LAMA3: variants seen among roughly 807,000 people sequenced by gnomAD.
The protein encoded by LAMA3 is laminin subunit alpha 3, also known as laminin subunit alpha-3.
In LAMA3, 281 loss-of-function variants were observed where a neutral mutation model predicts 402.0. The ratio of observed to expected loss-of-function variants is 0.70; its 90% CI spans 0.63 to 0.77. The LOEUF is 0.77. LAMA3 is among the 30% of genes least tolerant of loss of function. The pLI is 0.00. For synonymous variants in LAMA3, 1,431 were observed against 1,558.4 expected (o/e 0.92, Z 1.93); for missense variants, 3,840 against 4,215.5 (o/e 0.91, Z 2.47).
rs1359478655 is a variant in LAMA3 at position 23,882,075 on chromosome 18, G to A, written c.5222+30G>A. 2.6e-6 allele frequency: 4 copies of A among 1,518,814 alleles called. No homozygotes were observed. In the African/African-American group the frequency reaches 4.1e-5, roughly 16 times the overall value. The allele number at this position is 1,518,814 out of a possible 1,614,324, so 94.1% of individuals were successfully genotyped here. A position where few individuals can be genotyped will look rare whatever the true frequency, so the allele number is the denominator to read the frequency against. ...CGTAGCAGCTTGACATAACCTACAG[G>A]GACCCAAAGTCGTTTGGTGGCTGCC... On this transcript the variant is annotated intron_variant, in intron 40 of 74. Coordinates refer to ENST00000313654, the MANE Select transcript of LAMA3 (RefSeq NM_198129.4).
At chr18:23,740,360 G>A (rs983111400) in intron 2 of LAMA3, among the ~76,000 whole-genome samples, 1 of 151,866 alleles carries the variant, frequency 6.6e-6, no homozygotes, top group African/African-American at 2.4e-5. Context: ...AAGTTTATAC[G>A]TATAAAATCT....
chr18:23,689,633 C>T lies in LAMA3; in HGVS notation c.-51C>T. On this transcript the variant is annotated 5_prime_UTR_variant, in exon 1 of 75. Coordinates refer to ENST00000313654, the MANE Select transcript of LAMA3 (RefSeq NM_198129.4). ...GAGGCGCAGGCGGAGAGCGGCGGTG[C>T]CCCCGAGCCCCTCTGCGGACGGCTC... 4.0e-6 allele frequency: 5 copies of T among 1,237,606 alleles called. No homozygotes were observed. Among genetic ancestry groups the T allele is most frequent in the Non-Finnish European group, 5.0e-6 (5 of 991,664 alleles). The allele number at this position is 1,237,606 out of a possible 1,614,324, so 76.7% of individuals were successfully genotyped here.
At chr18:23,741,986 G>T (rs1224954720) in intron 2 of LAMA3, among the ~76,000 whole-genome samples, 1 of 152,168 alleles carries the variant, frequency 6.6e-6, no homozygotes, top group South Asian at 2.1e-4. Flanking sequence ...GCTGGGCATG[G>T]TGGTGCACAC....
intron 40 of LAMA3, 151 bp downstream of exon 40, chr18:23,882,196 G>C: frequency 1.4e-6 from 1 of 694,842 alleles, no homozygotes; most frequent in South Asian, 1.5e-5. Context: ...TTTTCAAATT[G>C]ATTGTGGTGG....
intron 1 of LAMA3, among the ~76,000 whole-genome samples, chr18:23,708,162 G>A (rs561740185): frequency 5.3e-5 from 8 of 152,046 alleles, no homozygotes; most frequent in South Asian, 4.2e-4. Flanking sequence ...CTTTCCCAGC[G>A]GTCTGACATA....
chr18:23,694,858 G>C (rs1228212364), intron 1 of LAMA3, among the ~76,000 whole-genome samples: 1 of 152,208 alleles, frequency 6.6e-6, no homozygotes, highest in Non-Finnish European at 1.5e-5. Context: ...AGAGTATTGA[G>C]ATGCCCCATA....
At chr18:23,837,153 C>A in intron 25 of LAMA3, 64 bp downstream of exon 25, 2 of 1,173,806 alleles carry the variant, frequency 1.7e-6, no homozygotes, top group East Asian at 2.5e-5. Context: ...TTTTTTGAAG[C>A]TTATTAAAAT....
chr18:23,936,394 C>G (rs1219519649), intron 67 of LAMA3, among the ~76,000 whole-genome samples: 1 of 140,296 alleles, frequency 7.1e-6, no homozygotes, highest in Non-Finnish European at 1.5e-5. Context: ...CCCCCTCCCC[C>G]ACCCCACTAC....
At chr18:23,790,737 A>G (rs1389470243) in intron 12 of LAMA3, among the ~76,000 whole-genome samples, 1 of 152,166 alleles carries the variant, frequency 6.6e-6, no homozygotes, top group African/African-American at 2.4e-5. Flanking sequence ...CCCCATGAAG[A>G]TATTCCTGTG....
chr18:23,879,974 T>C lies in LAMA3; in HGVS notation c.5113-1962T>C, dbSNP rs1038390625. ...GCTAAGTAGACACAGGACTGAAATATATCTATACAGTCATGTTCTACTTTT... is the reference window on the plus strand; with the variant it reads ...GCTAAGTAGACACAGGACTGAAATACATCTATACAGTCATGTTCTACTTTT... On this transcript the variant is annotated intron_variant, in intron 39 of 74. Coordinates refer to ENST00000313654, the MANE Select transcript of LAMA3 (RefSeq NM_198129.4). The surrounding 1 kb of genome is among the most constrained non-coding windows in gnomAD (Gnocchi z 4.2). Among the ~76,000 whole-genome samples the C allele has an allele frequency of 1.3e-5, 2 of 152,356 alleles. No homozygotes were observed. Among genetic ancestry groups the C allele is most frequent in the Non-Finnish European group, 1.5e-5 (1 of 68,036 alleles).
At chr18:23,946,075 T>A in intron 69 of LAMA3, 69 bp from the exon 70 acceptor site, 1 of 1,464,410 alleles carries the variant, frequency 6.8e-7, no homozygotes, top group Non-Finnish European at 9.6e-7. Flanking sequence ...TGGCCACTAA[T>A]ATTTAATAAA....
chr18:23,806,556 C>A (rs908657543), intron 12 of LAMA3, among the ~76,000 whole-genome samples: 3 of 152,098 alleles, frequency 2.0e-5, no homozygotes, highest in Non-Finnish European at 4.4e-5. Flanking sequence ...TTGGGGGGTG[C>A]AGTTGCTTCT....
At chr18:23,954,128 A>G (rs1346098443) in intron 74 of LAMA3, among the ~76,000 whole-genome samples, 6 of 151,990 alleles carry the variant, frequency 3.9e-5, no homozygotes, top group African/African-American at 1.2e-4. Context: ...TTTGCCTGGC[A>G]TGGTGGCTCA....
chr18:23,905,633 G>T lies in LAMA3; in HGVS notation c.6718+9G>T. 1 of 1,514,618 alleles carries T rather than the reference G, an allele frequency of 6.6e-7. No homozygotes were observed. Among genetic ancestry groups the T allele is most frequent in the Non-Finnish European group, 9.2e-7 (1 of 1,090,442 alleles). 93.8% of individuals were successfully genotyped at this position (1,514,618 alleles called of 1,614,324 possible). A position where few individuals can be genotyped will look rare whatever the true frequency, so the allele number is the denominator to read the frequency against. On this transcript the variant is annotated intron_variant, in intron 52 of 74. Coordinates refer to ENST00000313654, the MANE Select transcript of LAMA3 (RefSeq NM_198129.4). ...AAAGAAGCTAAAGCAAGGTATTAGG[G>T]GGAGTGGGCAATGGCAGGGATAGTC...
chr18:23,870,726 A>G (rs1035967374), intron 37 of LAMA3, among the ~76,000 whole-genome samples: 2 of 152,234 alleles, frequency 1.3e-5, no homozygotes, highest in Non-Finnish European at 2.9e-5. Flanking sequence ...AAGTGAAACA[A>G]GCCAGTCACA....
rs772087684 is a variant in LAMA3 at position 23,904,665 on chromosome 18, G to A, written c.6586G>A (p.Ala2196Thr). The A allele has an allele frequency of 6.2e-7, 1 of 1,614,080 alleles. No homozygotes were observed. The highest frequency in any genetic ancestry group is 8.5e-7 in the Non-Finnish European group (1 of 1,180,020). ...IKAAEDAANRAASASESALQT... is the reference protein window; with the variant it reads ...IKAAEDAANRTASASESALQT... ...AGCGGCCGAGGACGCAGCCAACAGG[G>A]CTGCCAGTGCATCTGAATCTGCCCT... The change falls in exon 51 of 75, where the codon GCT becomes ACT. Residue 2196 changes from alanine (A) to threonine (T), a missense_variant. By Grantham distance (58) the Ala-to-Thr change is moderately conservative. Coordinates refer to ENST00000313654, the MANE Select transcript of LAMA3 (RefSeq NM_198129.4).
At chr18:23,907,453 A>G in intron 52 of LAMA3, 97 bp from the exon 53 acceptor site, 2 of 874,638 alleles carry the variant, frequency 2.3e-6, no homozygotes, top group Non-Finnish European at 3.9e-6. Context: ...AGTCTACTCA[A>G]TGCTGTGCAG....
At chr18:23,773,632 C>A (rs746623579) in intron 9 of LAMA3, 45 bp downstream of exon 9, 1 of 1,271,308 alleles carries the variant, frequency 7.9e-7, no homozygotes, top group Non-Finnish European at 1.1e-6. Context: ...GTGTGTACTG[C>A]CTCAGCGAAG....
At chr18:23,729,284 A>C (rs1476767097) in intron 2 of LAMA3, among the ~76,000 whole-genome samples, 3 of 152,158 alleles carry the variant, frequency 2.0e-5, no homozygotes, top group Non-Finnish European at 4.4e-5. Flanking sequence ...ATAATCCAGC[A>C]AATGTATACT....
Sources: allele counts gnomAD v4.1 joint callset (sites outside exome capture counted in the v4.1 genomes callset), GRCh38; gene constraint gnomAD v4.1.1; non-coding constraint Gnocchi (gnomAD v3.1); transcripts MANE v1.5; gene names NCBI Gene and HGNC (gene_info 2026-07-23, HGNC 2026-07-21).